SAMD5: variants seen among roughly 807,000 people sequenced by gnomAD.
The protein encoded by SAMD5 is sterile alpha motif domain containing 5, also known as sterile alpha motif domain-containing protein 5.
In SAMD5, 13 loss-of-function variants were observed where a neutral mutation model predicts 11.3. The observed-to-expected ratio is 1.15, with a 90% CI of 0.75 to 1.83. SAMD5 has a LOEUF of 1.83. SAMD5 is among the 40% of genes most tolerant of loss of function. The probability of loss-of-function intolerance (pLI) is 0.00; values close to 1 mark genes in which losing one functional copy is unlikely to be tolerated. For missense variants in SAMD5, 255 were observed against 239.1 expected (o/e 1.07, Z -0.44); for synonymous variants, 129 against 111.3 (o/e 1.16, Z -1.00).
chr6:147,932,579 C>G, the SAMD5 span, among the ~76,000 whole-genome samples: 83 of 146,768 alleles, frequency 5.7e-4, no homozygotes, highest in African/African-American at 2.0e-3. Context: ...TGTGTCAGGT[C>G]TTACAGAATT....
chr6:147,772,876 T>C, the SAMD5 span, among the ~76,000 whole-genome samples: 1 of 152,154 alleles, frequency 6.6e-6, no homozygotes, highest in African/African-American at 2.4e-5. Context: ...GAATGGCCCA[T>C]AACAGTGTCG....
chr6:147,522,080 G>A (rs1340043049), intron 1 of SAMD5, among the ~76,000 whole-genome samples: 2 of 151,948 alleles, frequency 1.3e-5, no homozygotes, highest in African/African-American at 4.8e-5. Context: ...ATCTGTCTAA[G>A]TTTATTTTAG....
At chr6:147,820,393 T>C in the SAMD5 span, among the ~76,000 whole-genome samples, 2 of 152,198 alleles carry the variant, frequency 1.3e-5, no homozygotes, top group Non-Finnish European at 2.9e-5. Flanking sequence ...GAATATCCTA[T>C]TATAATTAAC....
intron 1 of SAMD5, among the ~76,000 whole-genome samples, chr6:147,615,134 C>A (rs1452433050): frequency 6.6e-6 from 1 of 151,900 alleles, no homozygotes; most frequent in African/African-American, 2.4e-5. Context: ...ATATAAGGGA[C>A]TTGAGCATCT....
In SAMD5 at chr6:147,569,223, AAAAAAAAAAAAAGAAAAG is replaced by A; in HGVS notation, c.*4774_*4791del. 3.1e-6 allele frequency: 1 copy of A among 325,888 alleles called. No individual in the cohort carries two copies. The highest frequency in any genetic ancestry group is 4.3e-6 in the Non-Finnish European group (1 of 230,584). 20.2% of individuals were successfully genotyped at this position (325,888 alleles called of 1,614,324 possible). On this transcript the variant is annotated 3_prime_UTR_variant, in exon 2 of 2. Transcript: ENST00000367474. Reference sequence around the variant, plus strand: ...GCAACAGAGTGAGACTCTGTCTAAAAAAAAAAAAAAAAGAAAAGAAAAAAGAAAAATTGAAGAACATAA... The same window carrying A: ...GCAACAGAGTGAGACTCTGTCTAAAAAAAAAAGAAAAATTGAAGAACATAA...
the SAMD5 span, among the ~76,000 whole-genome samples, chr6:147,936,893 A>T: frequency 6.6e-6 from 1 of 152,118 alleles, no homozygotes; most frequent in Non-Finnish European, 1.5e-5. Context: ...GTGACACGTC[A>T]TCAGTCTTGG....
chr6:147,936,583 C>A, the SAMD5 span, among the ~76,000 whole-genome samples: 2 of 152,066 alleles, frequency 1.3e-5, no homozygotes, highest in East Asian at 3.9e-4. Context: ...CGCCTCCCAC[C>A]AGATCCCACC....
At chr6:147,586,437 A>G (rs546458789) in intron 1 of SAMD5, among the ~76,000 whole-genome samples, 3 of 152,114 alleles carry the variant, frequency 2.0e-5, no homozygotes, top group East Asian at 1.9e-4. Flanking sequence ...TCCACAAGGG[A>G]AAAAAAAGTA....
At chr6:147,626,472 C>T (rs1380049621) in intron 1 of SAMD5, among the ~76,000 whole-genome samples, 3 of 151,460 alleles carry the variant, frequency 2.0e-5, no homozygotes, top group Non-Finnish European at 4.4e-5. Context: ...CCCATCCCCT[C>T]ATTATGTAGT....
the SAMD5 span, among the ~76,000 whole-genome samples, chr6:147,889,246 T>G: frequency 6.6e-6 from 1 of 152,226 alleles, no homozygotes; most frequent in African/African-American, 2.4e-5. Context: ...TTTTCTTCTG[T>G]CATGTCTAAT....
the SAMD5 span, among the ~76,000 whole-genome samples, chr6:147,813,770 A>C: frequency 6.6e-6 from 1 of 152,204 alleles, no homozygotes; most frequent in African/African-American, 2.4e-5. Flanking sequence ...CTGTTCTTCT[A>C]AAAGTAATGG....
At chr6:147,822,680 T>C in the SAMD5 span, among the ~76,000 whole-genome samples, 3 of 152,220 alleles carry the variant, frequency 2.0e-5, no homozygotes, top group Non-Finnish European at 4.4e-5. Flanking sequence ...ATATTTCCTA[T>C]AGGATTTGCA....
the SAMD5 span, among the ~76,000 whole-genome samples, chr6:147,766,421 CAT>C: frequency 6.6e-6 from 1 of 152,138 alleles, no homozygotes; most frequent in South Asian, 2.1e-4. Flanking sequence ...AGGGATAAAA[CAT>C]AATTTTCTTA....
intron 1 of SAMD5, among the ~76,000 whole-genome samples, chr6:147,515,212 TCAGTGCC>T (rs1788149322): frequency 7.3e-6 from 1 of 136,628 alleles, no homozygotes; most frequent in Non-Finnish European, 1.5e-5. Context: ...TTTTTTGCTT[TCAGTGCC>T]TGATTGGAAC....
the SAMD5 span, among the ~76,000 whole-genome samples, chr6:147,877,895 C>CTAGCTAGCTAGCTAGATAGA: frequency 1.7e-5 from 1 of 59,964 alleles, no homozygotes; most frequent in Admixed American, 1.9e-4. Flanking sequence ...AGATAGATAG[C>CTAGCTAGCTAGCTAGATAGA]TAGATAGATA....
At chr6:147,741,935 C>G (rs1369231733), downstream of SAMD5, 1 of 152,086 alleles carries the variant, frequency 6.6e-6, no homozygotes, top group African/African-American at 2.4e-5. Context: ...AAAACTAGGT[C>G]CCACCCACGT....
At chr6:147,581,921 G>T (rs919078489) in intron 1 of SAMD5, among the ~76,000 whole-genome samples, 4 of 152,076 alleles carry the variant, frequency 2.6e-5, no homozygotes, top group Admixed American at 2.0e-4. Flanking sequence ...AAAAAGAGGG[G>T]TTGGTAGACA....
At chr6:147,790,937 C>G in the SAMD5 span, among the ~76,000 whole-genome samples, 1 of 151,970 alleles carries the variant, frequency 6.6e-6, no homozygotes, top group South Asian at 2.1e-4. Context: ...ATCATGTTGA[C>G]TTTGTGTTAA....
chr6:147,704,363 T>C (rs554178274), intron 1 of SAMD5, among the ~76,000 whole-genome samples: 149 of 152,252 alleles, frequency 9.8e-4, no homozygotes, highest in Middle Eastern at 3.4e-3. Context: ...CCCTTCTCAT[T>C]GTATTAGGCA....
Sources: allele counts gnomAD v4.1 joint callset (sites outside exome capture counted in the v4.1 genomes callset), GRCh38; gene constraint gnomAD v4.1.1; transcripts MANE v1.5; gene names NCBI Gene and HGNC (gene_info 2026-07-23, HGNC 2026-07-21).